Variants in UGT2B17 observed in about 807,000 individuals in gnomAD.
UGT2B17 encodes UDP glucuronosyltransferase family 2 member B17.
A neutral mutation model predicts 48.2 loss-of-function variants in UGT2B17; 21 were observed. The observed-to-expected ratio is 0.44, with a 90% CI of 0.31 to 0.63. The LOEUF is 0.63. UGT2B17 is among the 20% of genes least tolerant of loss of function. The pLI, the probability that UGT2B17 is intolerant of heterozygous loss-of-function variation, is 0.08. For missense variants in UGT2B17, 402 were observed against 696.1 expected (o/e 0.58, Z 4.75); for synonymous variants, 146 against 238.4 (o/e 0.61, Z 3.57).
In UGT2B17 at chr4:68,551,229, A is replaced by C. The variant is rs1182992632; in HGVS notation, c.1094-333T>G. On this transcript the variant is annotated intron_variant, in intron 5 of 6. Coordinates refer to ENST00000317746, the MANE Select transcript of UGT2B17 (RefSeq NM_001077.4). ...AAAAGAATAAGATTTGGTATACAAG[A>C]ACATAGTCTCTTAAGTAGTATAAAT... Among the ~76,000 whole-genome samples the C allele has an allele frequency of 1.6e-5, 2 of 126,198 alleles. 1 individual carries two copies. Among genetic ancestry groups the C allele is most frequent in the Non-Finnish European group, 3.4e-5 (2 of 59,576 alleles). The allele number at this position is 126,198 out of a possible 152,430, so 82.8% of individuals were successfully genotyped here. A position where few individuals can be genotyped will look rare whatever the true frequency, so the allele number is the denominator to read the frequency against.
intron 3 of UGT2B17, among the ~76,000 whole-genome samples, chr4:68,563,152 G>T (rs1421971910): frequency 5.5e-5 from 7 of 126,500 alleles, no homozygotes; most frequent in African/African-American, 1.9e-4. Flanking sequence ...ATACTTTTTG[G>T]CAAGAGTCTT....
At position 68,546,328 on chromosome 4, in the gene UGT2B17, A is replaced by G. The variant is rs1342048295; in HGVS notation, c.1313+4349T>C. On this transcript the variant is annotated intron_variant, in intron 6 of 6. Coordinates refer to ENST00000317746, the MANE Select transcript of UGT2B17 (RefSeq NM_001077.4). ...AAACAGAACCAATGACAAAAACCACATGATTATCTCAATAGATGCAGAAAA... is the reference window on the plus strand; with the variant it reads ...AAACAGAACCAATGACAAAAACCACGTGATTATCTCAATAGATGCAGAAAA... 2.4e-5 allele frequency among the ~76,000 whole-genome samples: 3 copies of G among 126,622 alleles called. 1 individual carries two copies. The highest frequency in any genetic ancestry group is 5.0e-5 in the Non-Finnish European group (3 of 59,726). The allele number at this position is 126,622 out of a possible 152,430, so 83.1% of individuals were successfully genotyped here.
At chr4:68,563,731 T>C (rs1485999500) in intron 3 of UGT2B17, among the ~76,000 whole-genome samples, 1 of 125,982 alleles carries the variant, frequency 7.9e-6, no homozygotes, top group African/African-American at 2.7e-5. Flanking sequence ...AGAATTACCT[T>C]TTAAGCTAAA....
intron 6 of UGT2B17, among the ~76,000 whole-genome samples, chr4:68,538,907 G>A (rs1730604022): frequency 8.0e-6 from 1 of 125,194 alleles, no homozygotes; most frequent in Non-Finnish European, 1.7e-5. Context: ...CTCTCATTGA[G>A]CATTCTTTCT....
intron 3 of UGT2B17, among the ~76,000 whole-genome samples, chr4:68,563,337 C>T (rs1223525993): frequency 3.9e-5 from 5 of 127,248 alleles, no homozygotes; most frequent in Non-Finnish European, 6.7e-5. Flanking sequence ...GTGCCGGGCA[C>T]GGAGGCTCAC....
chr4:68,541,442 A>AT (rs1325509639), intron 6 of UGT2B17, among the ~76,000 whole-genome samples: 3 of 125,470 alleles, frequency 2.4e-5, no homozygotes, highest in African/African-American at 5.4e-5. Flanking sequence ...GCATAAATGT[A>AT]TTTTTTTGAG....
Position 68,543,778 on chromosome 4 carries a change from G to C in UGT2B17, c.1314-5874C>G, listed in dbSNP as rs796617533. ...GAAAACCATGGCACGAGAACTATGTGATGAATGCACAAGCCTCAGTAGCTG... is the reference window on the plus strand; with the variant it reads ...GAAAACCATGGCACGAGAACTATGTCATGAATGCACAAGCCTCAGTAGCTG... On this transcript the variant is annotated intron_variant, in intron 6 of 6. Coordinates refer to ENST00000317746, the MANE Select transcript of UGT2B17 (RefSeq NM_001077.4). Among the ~76,000 whole-genome samples, 65 of 125,824 alleles carry C rather than the reference G, an allele frequency of 5.2e-4. 14 individuals carry two copies. Among genetic ancestry groups the C allele is most frequent in the African/African-American group, 1.6e-3 (60 of 36,958 alleles). The allele number at this position is 125,824 out of a possible 152,430, so 82.5% of individuals were successfully genotyped here. A position where few individuals can be genotyped will look rare whatever the true frequency, so the allele number is the denominator to read the frequency against.
rs1730639103 is a variant in UGT2B17 at position 68,540,672 on chromosome 4, A to G, written c.1314-2768T>C. Among the ~76,000 whole-genome samples, 2 of 126,166 alleles carry G rather than the reference A, an allele frequency of 1.6e-5. 1 individual carries two copies. The highest frequency in any genetic ancestry group is 5.4e-5 in the African/African-American group (2 of 36,968). The allele number at this position is 126,166 out of a possible 152,430, so 82.8% of individuals were successfully genotyped here. On this transcript the variant is annotated intron_variant, in intron 6 of 6. Coordinates refer to ENST00000317746, the MANE Select transcript of UGT2B17 (RefSeq NM_001077.4). ...TTTTATTTTAAGTTCCAGGATACATACGCAGAATGTGTGGGTTTGTTACAT... is the reference window on the plus strand; with the variant it reads ...TTTTATTTTAAGTTCCAGGATACATGCGCAGAATGTGTGGGTTTGTTACAT...
At chr4:68,547,803 C>A (rs1346857173) in intron 6 of UGT2B17, among the ~76,000 whole-genome samples, 1 of 126,668 alleles carries the variant, frequency 7.9e-6, no homozygotes, top group Non-Finnish European at 1.7e-5. Context: ...GACATTTAGG[C>A]AGCCAAAAGA....
chr4:68,574,330 TG>T lies in UGT2B17; in HGVS notation c.-65+1620del, dbSNP rs1731336651. 2.4e-5 allele frequency among the ~76,000 whole-genome samples: 3 copies of T among 127,114 alleles called. 1 individual carries two copies. Among genetic ancestry groups the T allele is most frequent in the African/African-American group, 8.1e-5 (3 of 37,230 alleles). 83.4% of individuals were successfully genotyped at this position (127,114 alleles called of 152,430 possible). A position where few individuals can be genotyped will look rare whatever the true frequency, so the allele number is the denominator to read the frequency against. ...GCTAAATTTTACTTTTATATTAGTG[TG>T]TTATTAATATTAAACTTAATTTTAA... On this transcript the variant is annotated intron_variant, in intron 1 of 6. Transcript: ENST00000317746.
intron 3 of UGT2B17, among the ~76,000 whole-genome samples, chr4:68,565,337 G>C (rs1267862186): frequency 8.0e-6 from 1 of 125,426 alleles, no homozygotes; most frequent in African/African-American, 2.7e-5. Context: ...CACAATGAAG[G>C]CCTTACTTTA....
At chr4:68,558,356 C>A (rs1731040998) in intron 4 of UGT2B17, among the ~76,000 whole-genome samples, 1 of 124,306 alleles carries the variant, frequency 8.0e-6, no homozygotes. Context: ...GTTTTTTTTC[C>A]TCCCCTTCCA....
Position 68,541,268 on chromosome 4 carries a change from T to C in UGT2B17, c.1314-3364A>G, listed in dbSNP as rs1385305997. Among the ~76,000 whole-genome samples the C allele has an allele frequency of 1.6e-5, 2 of 126,206 alleles. 1 individual carries two copies. Among genetic ancestry groups the C allele is most frequent in the Non-Finnish European group, 3.4e-5 (2 of 59,624 alleles). The allele number at this position is 126,206 out of a possible 152,430, so 82.8% of individuals were successfully genotyped here. A position where few individuals can be genotyped will look rare whatever the true frequency, so the allele number is the denominator to read the frequency against. ...AACTAACTTACATTCCCACCAAAAA[T>C]GTAAAAGTTTTCCTATATCTCCCCA... On this transcript the variant is annotated intron_variant, in intron 6 of 6. Coordinates refer to ENST00000317746, the MANE Select transcript of UGT2B17 (RefSeq NM_001077.4).
Position 68,544,658 on chromosome 4 carries a change from T to C in UGT2B17, c.1313+6019A>G. Among the ~76,000 whole-genome samples the C allele has an allele frequency of 1.6e-5, 2 of 125,586 alleles. 1 individual carries two copies. Among genetic ancestry groups the C allele is most frequent in the Non-Finnish European group, 3.4e-5 (2 of 59,460 alleles). The allele number at this position is 125,586 out of a possible 152,430, so 82.4% of individuals were successfully genotyped here. A position where few individuals can be genotyped will look rare whatever the true frequency, so the allele number is the denominator to read the frequency against. On this transcript the variant is annotated intron_variant, in intron 6 of 6. Transcript: ENST00000317746. ...AAAAGACACAGACTGGCAAACTGGA[T>C]CAAGAGTCAAGACCCATCACTGTGC...
rs1334243859 is a variant in UGT2B17 at position 68,574,435 on chromosome 4, T to C, written c.-65+1516A>G. Among the ~76,000 whole-genome samples, 4 of 127,000 alleles carry C rather than the reference T, an allele frequency of 3.1e-5. 1 individual carries two copies. Among genetic ancestry groups the C allele is most frequent in the African/African-American group, 5.4e-5 (2 of 37,134 alleles). The allele number at this position is 127,000 out of a possible 152,430, so 83.3% of individuals were successfully genotyped here. A position where few individuals can be genotyped will look rare whatever the true frequency, so the allele number is the denominator to read the frequency against. On this transcript the variant is annotated intron_variant, in intron 1 of 6. Transcript: ENST00000317746. ...ATTTTATAGACTCTGTTTAACCTTT[T>C]ACAATTTTTGTTAAAGAGCAGGTTG...
Position 68,541,976 on chromosome 4 carries a change from G to A in UGT2B17, c.1314-4072C>T, listed in dbSNP as rs1292828371. On this transcript the variant is annotated intron_variant, in intron 6 of 6. Coordinates refer to ENST00000317746, the MANE Select transcript of UGT2B17 (RefSeq NM_001077.4). ...TGTAGATGTGTGGTGTTATTTCTGA[G>A]GCCTCTGTTCTGTTCCATTGGTCTA... is the stretch of plus-strand genomic sequence containing the variant. Among the ~76,000 whole-genome samples the A allele has an allele frequency of 1.6e-5, 2 of 125,904 alleles. 1 individual carries two copies. The highest frequency in any genetic ancestry group is 3.4e-5 in the Non-Finnish European group (2 of 59,546). The allele number at this position is 125,904 out of a possible 152,430, so 82.6% of individuals were successfully genotyped here.
chr4:68,562,093 A>G (rs1731114118), intron 3 of UGT2B17, among the ~76,000 whole-genome samples: 1 of 125,244 alleles, frequency 8.0e-6, no homozygotes, highest in African/African-American at 2.7e-5. Context: ...ACTTTATGAC[A>G]TCTTTTATTT....
chr4:68,553,711 C>A lies in UGT2B17; in HGVS notation c.1006-1800G>T, dbSNP rs1487757342. Reference sequence around the variant, plus strand: ...TAGTATTGACTGTTGTTATTTTTTTCCTCCTAGGAAGTTGTTGTTTAAGAA... The same window carrying A: ...TAGTATTGACTGTTGTTATTTTTTTACTCCTAGGAAGTTGTTGTTTAAGAA... On this transcript the variant is annotated intron_variant, in intron 4 of 6. Transcript: ENST00000317746. 1.4e-4 allele frequency among the ~76,000 whole-genome samples: 18 copies of A among 124,676 alleles called. 2 individuals are homozygous for A. The highest frequency in any genetic ancestry group is 4.9e-4 in the African/African-American group (18 of 36,590). 81.8% of individuals were successfully genotyped at this position (124,676 alleles called of 152,430 possible). A position where few individuals can be genotyped will look rare whatever the true frequency, so the allele number is the denominator to read the frequency against.
chr4:68,545,568 T>C (rs1730784578), intron 6 of UGT2B17, among the ~76,000 whole-genome samples: 1 of 124,892 alleles, frequency 8.0e-6, no homozygotes, highest in Non-Finnish European at 1.7e-5. Context: ...AAGAAATAAC[T>C]AAAATCAGAG....
Sources: allele counts gnomAD v4.1 joint callset (sites outside exome capture counted in the v4.1 genomes callset), GRCh38; gene constraint gnomAD v4.1.1; transcripts MANE v1.5; gene names NCBI Gene and HGNC (gene_info 2026-07-23, HGNC 2026-07-21).